Variants in PTPRK observed in about 807,000 individuals in gnomAD.
PTPRK encodes the protein protein tyrosine phosphatase receptor type K, also known as receptor-type tyrosine-protein phosphatase kappa.
A neutral mutation model predicts 178.0 loss-of-function variants in PTPRK; 75 were observed. The ratio of observed to expected loss-of-function variants is 0.42; its 90% CI spans 0.35 to 0.51. The LOEUF (loss-of-function observed/expected upper bound fraction) is 0.51. Ranked by LOEUF, PTPRK falls within the 20% of genes least tolerant of loss-of-function variation. The probability of loss-of-function intolerance (pLI) is 0.02; values close to 1 mark genes in which losing one functional copy is unlikely to be tolerated. For synonymous variants in PTPRK, 637 were observed against 620.6 expected, an observed-to-expected ratio of 1.03 and a Z score of -0.39; for missense variants, 1,441 against 1,797.8, an observed-to-expected ratio of 0.80 and a Z score of 3.59.
At chr6:128,185,194 C>T (rs1449573354) in intron 6 of PTPRK, among the ~76,000 whole-genome samples, 1 of 152,092 alleles carries the variant, frequency 6.6e-6, no homozygotes, top group Non-Finnish European at 1.5e-5. Context: ...GAAAGTGATG[C>T]CAGGTGCTAA....
At chr6:128,135,078 T>TCACACACACACACACACACACACACA (rs34254716) in intron 7 of PTPRK, among the ~76,000 whole-genome samples, 2 of 136,276 alleles carry the variant, frequency 1.5e-5, no homozygotes, top group African/African-American at 5.7e-5. Context: ...AATCATTCAA[T>TCACACACACACACACACACACACACA]CACACACACA....
intron 21 of PTPRK, 30 bp downstream of exon 21, chr6:127,990,739 C>T: frequency 2.1e-6 from 3 of 1,461,050 alleles, no homozygotes; most frequent in Non-Finnish European, 2.9e-6. Flanking sequence ...TTTGATATCA[C>T]TTTTTAAAAT....
chr6:128,407,457 C>G (rs953019362), intron 1 of PTPRK, among the ~76,000 whole-genome samples: 3 of 151,502 alleles, frequency 2.0e-5, no homozygotes, highest in African/African-American at 7.3e-5. Flanking sequence ...GGCAACAAAG[C>G]GAGATCCCCA....
intron 11 of PTPRK, among the ~76,000 whole-genome samples, chr6:128,077,873 G>A (rs1322295512): frequency 2.6e-5 from 4 of 151,890 alleles, no homozygotes; most frequent in African/African-American, 4.8e-5. Context: ...AGACTTTACT[G>A]TTGAAAAGAT....
chr6:128,181,914 C>A (rs554477136), intron 7 of PTPRK, among the ~76,000 whole-genome samples: 31 of 152,170 alleles, frequency 2.0e-4, no homozygotes, highest in African/African-American at 7.5e-4. Context: ...CTTCCATAAG[C>A]TTCTCTTTAT....
intron 1 of PTPRK, among the ~76,000 whole-genome samples, chr6:128,508,789 A>T (rs1014615491): frequency 6.6e-6 from 1 of 151,972 alleles, no homozygotes; most frequent in African/African-American, 2.4e-5. Context: ...CTAAAAACAC[A>T]AAAAAATAGC....
chr6:128,246,999 G>C (rs1815577440), intron 3 of PTPRK, among the ~76,000 whole-genome samples: 1 of 152,162 alleles, frequency 6.6e-6, no homozygotes, highest in South Asian at 2.1e-4. Context: ...TGAATCCACA[G>C]GAAGTGTCTC....
chr6:127,990,665 A>T, intron 21 of PTPRK, 104 bp downstream of exon 21: 2 of 716,818 alleles, frequency 2.8e-6, no homozygotes, highest in South Asian at 3.7e-5. Flanking sequence ...TGAATACATG[A>T]ATGAATGGAT....
chr6:128,224,044 C>T (rs1810864143), intron 5 of PTPRK, among the ~76,000 whole-genome samples: 1 of 152,140 alleles, frequency 6.6e-6, no homozygotes, highest in South Asian at 2.1e-4. Flanking sequence ...CATTTAAATT[C>T]TAGAAGTCAA....
intron 7 of PTPRK, among the ~76,000 whole-genome samples, chr6:128,093,577 A>C (rs1787362150): frequency 7.4e-6 from 1 of 135,414 alleles, no homozygotes; most frequent in Admixed American, 7.7e-5. Flanking sequence ...CCTGGGTGAC[A>C]GAGCAAGAGA....
Position 128,199,672 on chromosome 6 carries a change from A to G in PTPRK, c.869-14947T>C, listed in dbSNP as rs551657277. 1.6e-4 allele frequency among the ~76,000 whole-genome samples: 24 copies of G among 152,120 alleles called. No individual in the cohort carries two copies. In the East Asian group the frequency reaches 3.9e-3, roughly 24 times the overall value. On this transcript the variant is annotated intron_variant, in intron 6 of 29. Transcript: ENST00000368226. ...AATCCACCAACTCCCACAAGGGCCAACCCCCGCAAGGGCCACTAAGTAGAA... is the reference window on the plus strand; with the variant it reads ...AATCCACCAACTCCCACAAGGGCCAGCCCCCGCAAGGGCCACTAAGTAGAA...
intron 1 of PTPRK, among the ~76,000 whole-genome samples, chr6:128,423,218 C>T (rs951186673): frequency 6.6e-6 from 1 of 152,140 alleles, no homozygotes; most frequent in Non-Finnish European, 1.5e-5. Context: ...CAAGCCATCA[C>T]AAACAGATTT....
At chr6:128,026,446 AACT>A (rs946381200) in intron 13 of PTPRK, among the ~76,000 whole-genome samples, 1 of 152,158 alleles carries the variant, frequency 6.6e-6, no homozygotes, top group Non-Finnish European at 1.5e-5. Flanking sequence ...TACCAAGAAA[AACT>A]ACTGTGTGAT....
At chr6:128,512,230 C>T (rs17364153) in intron 1 of PTPRK, among the ~76,000 whole-genome samples, 24,577 of 152,016 alleles carry the variant, frequency 0.16, 2,195 homozygotes, top group African/African-American at 0.19. Flanking sequence ...TATGGAAATA[C>T]ACTGATTTAC....
chr6:128,188,259 T>C (rs6909380), intron 6 of PTPRK, among the ~76,000 whole-genome samples: 3,325 of 152,254 alleles, frequency 0.022, 98 homozygotes, highest in African/African-American at 0.046. Context: ...TTTCAAATAA[T>C]TTTTAAAAGT....
chr6:128,009,589 G>A (rs1778830913), intron 13 of PTPRK, among the ~76,000 whole-genome samples: 1 of 151,188 alleles, frequency 6.6e-6, no homozygotes, highest in Non-Finnish European at 1.5e-5. Context: ...TAGTACATTG[G>A]AAAGAGATGG....
chr6:128,409,793 T>G (rs1562463864), intron 1 of PTPRK, among the ~76,000 whole-genome samples: 1 of 152,184 alleles, frequency 6.6e-6, no homozygotes, highest in Non-Finnish European at 1.5e-5. Flanking sequence ...AAGCTCTTTT[T>G]GCCCGCTGCC....
chr6:128,003,143 T>A, intron 15 of PTPRK: 1 of 1,527,176 alleles, frequency 6.5e-7, no homozygotes, highest in Non-Finnish European at 9.0e-7. Context: ...GGCAAACCCA[T>A]GCAAGGAGGT....
chr6:128,021,365 A>G (rs9482855), intron 13 of PTPRK, among the ~76,000 whole-genome samples: 22,340 of 152,154 alleles, frequency 0.15, 4,815 homozygotes, highest in African/African-American at 0.48. Flanking sequence ...AGCCGGGCGC[A>G]GTGGCTCACG....
Sources: allele counts gnomAD v4.1 joint callset (sites outside exome capture counted in the v4.1 genomes callset), GRCh38; gene constraint gnomAD v4.1.1; transcripts MANE v1.5; gene names NCBI Gene and HGNC (gene_info 2026-07-23, HGNC 2026-07-21).